Variants in INSC observed in about 807,000 individuals in gnomAD.
INSC encodes the protein INSC spindle orientation adaptor protein.
In INSC, 67 loss-of-function variants were observed where a neutral mutation model predicts 58.6. That is an observed-to-expected ratio of 1.14 (90% confidence interval 0.94 to 1.40). The LOEUF (loss-of-function observed/expected upper bound fraction) is 1.40. Ranked by LOEUF, INSC falls within the 40% of genes most tolerant of loss-of-function variation. The pLI is 0.00. For synonymous variants in INSC, 262 were observed against 276.1 expected, an observed-to-expected ratio of 0.95 and a Z score of 0.51; for missense variants, 714 against 692.0, an observed-to-expected ratio of 1.03 and a Z score of -0.36.
chr11:15,152,030 T>A (rs1168741934), intron 2 of INSC, among the ~76,000 whole-genome samples: 1 of 152,246 alleles, frequency 6.6e-6, no homozygotes, highest in Admixed American at 6.5e-5. Context: ...GGATGGATAC[T>A]CCACACAGCT....
intron 2 of INSC, among the ~76,000 whole-genome samples, chr11:15,149,446 C>A (rs1590363510): frequency 6.6e-6 from 1 of 152,112 alleles, no homozygotes; most frequent in East Asian, 1.9e-4. Flanking sequence ...TATCCCAGTC[C>A]CTAATGAGCT....
At chr11:15,158,160 A>G (rs938604893) in intron 2 of INSC, among the ~76,000 whole-genome samples, 4 of 151,878 alleles carry the variant, frequency 2.6e-5, no homozygotes, top group African/African-American at 9.7e-5. Flanking sequence ...TCTCCTGCCT[A>G]GGATTTAACC....
chr11:15,135,350 A>G (rs749731820), intron 1 of INSC, among the ~76,000 whole-genome samples: 2 of 152,214 alleles, frequency 1.3e-5, no homozygotes, highest in South Asian at 2.1e-4. Flanking sequence ...TGTGCCCCAG[A>G]TAGATGTGGA....
intron 5 of INSC, among the ~76,000 whole-genome samples, chr11:15,183,242 T>G (rs1399335067): frequency 6.6e-6 from 1 of 151,478 alleles, no homozygotes; most frequent in East Asian, 1.9e-4. Context: ...TCCCAGCTAT[T>G]TGGGAGCCTG....
At chr11:15,238,440 A>G (rs1399397325) in intron 10 of INSC, among the ~76,000 whole-genome samples, 1 of 152,164 alleles carries the variant, frequency 6.6e-6, no homozygotes, top group Non-Finnish European at 1.5e-5. Context: ...TAGAGAAACC[A>G]GTTATCTGAG....
At chr11:15,190,978 ATT>A (rs5789865) in intron 6 of INSC, among the ~76,000 whole-genome samples, 164 bp downstream of exon 6, 83 of 128,652 alleles carry the variant, frequency 6.5e-4, no homozygotes, top group African/African-American at 2.0e-3. Context: ...TGGTGTGTGC[ATT>A]TTTTTTTTTT....
chr11:15,165,926 G>A (rs1849180809), intron 2 of INSC, among the ~76,000 whole-genome samples: 1 of 152,124 alleles, frequency 6.6e-6, no homozygotes, highest in African/African-American at 2.4e-5. Context: ...ATGCACTTGA[G>A]CGAGCCTCAT....
chr11:15,199,594 C>T (rs1176632679), intron 6 of INSC, among the ~76,000 whole-genome samples: 1 of 152,174 alleles, frequency 6.6e-6, no homozygotes, highest in East Asian at 1.9e-4. Flanking sequence ...CTTTTGTTGT[C>T]AGAGTTCTCA....
intron 5 of INSC, among the ~76,000 whole-genome samples, chr11:15,187,489 C>G (rs979393793): frequency 2.0e-5 from 3 of 152,334 alleles, no homozygotes; most frequent in Non-Finnish European, 4.4e-5. Context: ...GGAGAGGTCT[C>G]ACAATATTTT....
intron 4 of INSC, 123 bp from the exon 5 acceptor site, chr11:15,178,201 C>A: frequency 7.7e-7 from 1 of 1,301,614 alleles, no homozygotes; most frequent in East Asian, 2.3e-5. Context: ...ATCTCTGACT[C>A]CCAGTTGCCA....
At chr11:15,205,693 A>C (rs900408734) in intron 7 of INSC, among the ~76,000 whole-genome samples, 1 of 152,120 alleles carries the variant, frequency 6.6e-6, no homozygotes, top group African/African-American at 2.4e-5. Flanking sequence ...ATGAGTCCTC[A>C]CAGTCTTTCC....
At chr11:15,163,441 C>T (rs900294234) in intron 2 of INSC, among the ~76,000 whole-genome samples, 2 of 152,116 alleles carry the variant, frequency 1.3e-5, no homozygotes, top group African/African-American at 4.8e-5. Context: ...TCCCCTCCCC[C>T]ACCTGAAAGT....
intron 2 of INSC, among the ~76,000 whole-genome samples, chr11:15,149,962 C>A (rs185412764): frequency 6.6e-6 from 1 of 152,296 alleles, no homozygotes; most frequent in Non-Finnish European, 1.5e-5. Context: ...TCTTGCACAG[C>A]AAATCAATTG....
chr11:15,254,411 G>A, the INSC span, among the ~76,000 whole-genome samples: 2 of 152,154 alleles, frequency 1.3e-5, no homozygotes, highest in African/African-American at 2.4e-5. Context: ...TTTTAGATTA[G>A]AGGGTGGCAA....
At chr11:15,263,081 T>C in the INSC span, among the ~76,000 whole-genome samples, 1 of 152,120 alleles carries the variant, frequency 6.6e-6, no homozygotes, top group South Asian at 2.1e-4. Context: ...ATAATTGAAA[T>C]GAGAATCCAA....
chr11:15,168,611 C>A (rs1340318401), intron 2 of INSC, among the ~76,000 whole-genome samples: 1 of 152,182 alleles, frequency 6.6e-6, no homozygotes, highest in Non-Finnish European at 1.5e-5. Context: ...CTAGGCCCTA[C>A]ACATTCATCA....
intron 5 of INSC, among the ~76,000 whole-genome samples, chr11:15,180,137 A>G (rs939386561): frequency 6.6e-6 from 1 of 152,126 alleles, no homozygotes; most frequent in African/African-American, 2.4e-5. Context: ...GAGCACCTGT[A>G]GTCCCAGCTA....
chr11:15,180,684 A>AGGGGGGGG (rs375510258), intron 5 of INSC, among the ~76,000 whole-genome samples: 1 of 39,946 alleles, frequency 2.5e-5, no homozygotes, highest in African/African-American at 1.1e-4. Flanking sequence ...GGTAGGAGTG[A>AGGGGGGGG]GGGGGGGGGC....
chr11:15,114,117 C>T (rs1564852137), upstream of INSC, among the ~76,000 whole-genome samples: 1 of 147,712 alleles, frequency 6.8e-6, no homozygotes, highest in East Asian at 2.0e-4. Context: ...AGCAAGATGG[C>T]GGAGGCGGGG....
Sources: allele counts gnomAD v4.1 joint callset (sites outside exome capture counted in the v4.1 genomes callset), GRCh38; gene constraint gnomAD v4.1.1; transcripts MANE v1.5; gene names NCBI Gene and HGNC (gene_info 2026-07-23, HGNC 2026-07-21).